BCL2: variants seen among roughly 807,000 people sequenced by gnomAD.
BCL2 encodes the protein BCL2 apoptosis regulator.
BCL2 carries 1 observed loss-of-function variant against 14.2 expected under a neutral mutation model. The observed-to-expected ratio is 0.07, with a 90% CI of 0.02 to 0.33. The LOEUF (loss-of-function observed/expected upper bound fraction) is 0.33. Among genes scored for constraint, BCL2 ranks in the 10% least tolerant of loss-of-function variants. The pLI, the probability that BCL2 is intolerant of heterozygous loss-of-function variation, is 0.99. For missense variants in BCL2, 247 were observed against 305.9 expected (o/e 0.81, Z 1.44); for synonymous variants, 151 against 137.2 (o/e 1.10, Z -0.70).
chr18:63,182,376 T>A (rs1260226869), intron 2 of BCL2, among the ~76,000 whole-genome samples: 3 of 152,056 alleles, frequency 2.0e-5, no homozygotes, highest in Non-Finnish European at 4.4e-5. Flanking sequence ...TGAAGAAGGA[T>A]CAGGTGGTCC....
chr18:63,282,867 C>G (rs537218936), intron 2 of BCL2, among the ~76,000 whole-genome samples: 1 of 152,258 alleles, frequency 6.6e-6, no homozygotes, highest in South Asian at 2.1e-4. Context: ...TTTAGCTGAA[C>G]AGATTTTAGA....
At chr18:63,264,991 C>G (rs1347228258) in intron 2 of BCL2, among the ~76,000 whole-genome samples, 1 of 152,276 alleles carries the variant, frequency 6.6e-6, no homozygotes, top group Non-Finnish European at 1.5e-5. Context: ...AACCAAGTGC[C>G]AAGATCTGGA....
At chr18:63,197,616 C>T (rs1311445606) in intron 2 of BCL2, among the ~76,000 whole-genome samples, 2 of 150,560 alleles carry the variant, frequency 1.3e-5, no homozygotes, top group African/African-American at 4.9e-5. Flanking sequence ...GGAACGGTCA[C>T]AGCAGGAACA....
chr18:63,281,716 GAAAGAAAGAAAGAAAGA>G (rs1912319512), intron 2 of BCL2, among the ~76,000 whole-genome samples: 2 of 123,566 alleles, frequency 1.6e-5, no homozygotes, highest in South Asian at 2.5e-4. Flanking sequence ...AAGAAAGAAA[GAAAGAAAGAAAGAAAGA>G]AAGAAAAAGA....
At chr18:63,172,547 C>T (rs547813498) in intron 2 of BCL2, among the ~76,000 whole-genome samples, 22 of 152,202 alleles carry the variant, frequency 1.4e-4, no homozygotes, top group Non-Finnish European at 2.4e-4. Flanking sequence ...TTTGGGAGGC[C>T]GAGGCGGGTG....
At chr18:63,178,120 C>G (rs1599227204) in intron 2 of BCL2, among the ~76,000 whole-genome samples, 1 of 152,264 alleles carries the variant, frequency 6.6e-6, no homozygotes, top group East Asian at 1.9e-4. Flanking sequence ...AGCCTGGGGG[C>G]CATGAAAGCA....
intron 2 of BCL2, chr18:63,315,778 T>C (rs1437128069): frequency 6.6e-6 from 1 of 152,224 alleles, no homozygotes; most frequent in Non-Finnish European, 1.5e-5. Flanking sequence ...TAATGCACAT[T>C]TGAAATGATA....
chr18:63,222,799 G>A (rs1910436266), intron 2 of BCL2, among the ~76,000 whole-genome samples: 1 of 152,152 alleles, frequency 6.6e-6, no homozygotes. Flanking sequence ...AAAACCACCA[G>A]GACAATAGGA....
chr18:63,227,594 G>A (rs576807364), intron 2 of BCL2, among the ~76,000 whole-genome samples: 2 of 152,306 alleles, frequency 1.3e-5, no homozygotes, highest in Non-Finnish European at 2.9e-5. Flanking sequence ...GTGGAAAACA[G>A]TGTAAGAAAA....
chr18:63,183,716 G>A (rs369762044), intron 2 of BCL2, among the ~76,000 whole-genome samples: 6 of 152,180 alleles, frequency 3.9e-5, no homozygotes, highest in Admixed American at 2.0e-4. Flanking sequence ...TGCATGGGGC[G>A]GGGGCGGGGG....
At chr18:63,255,024 A>C (rs1911430346) in intron 2 of BCL2, among the ~76,000 whole-genome samples, 3 of 152,228 alleles carry the variant, frequency 2.0e-5, no homozygotes, top group African/African-American at 7.2e-5. Flanking sequence ...CTGTGTGCAT[A>C]GACCTGGCAA....
chr18:63,169,290 T>TTCTTTCTTTC (rs1915135635), intron 2 of BCL2, among the ~76,000 whole-genome samples: 1 of 71,980 alleles, frequency 1.4e-5, no homozygotes, highest in Non-Finnish European at 2.4e-5. Context: ...CTTTCTTTCT[T>TTCTTTCTTTC]TCTTTCTTTC....
chr18:63,288,146 A>G (rs563398506), intron 2 of BCL2, among the ~76,000 whole-genome samples: 6 of 152,334 alleles, frequency 3.9e-5, no homozygotes, highest in African/African-American at 1.2e-4. Context: ...ATTGAGTGCA[A>G]TATCTTTCCA....
intron 2 of BCL2, among the ~76,000 whole-genome samples, chr18:63,188,690 G>C (rs938795067): frequency 6.6e-5 from 10 of 151,842 alleles, no homozygotes; most frequent in Non-Finnish European, 1.0e-4. Context: ...GTATTAATTT[G>C]TAATAATATT....
chr18:63,169,385 TTCTTTTTC>T (rs1336887458), intron 2 of BCL2, among the ~76,000 whole-genome samples: 4 of 109,830 alleles, frequency 3.6e-5, no homozygotes, highest in Non-Finnish European at 6.8e-5. Context: ...CTTTCTTTCT[TTCTTTTTC>T]TTTCTTTCTT....
At chr18:63,269,446 G>A (rs1394840880) in intron 2 of BCL2, among the ~76,000 whole-genome samples, 3 of 152,100 alleles carry the variant, frequency 2.0e-5, no homozygotes, top group East Asian at 3.9e-4. Flanking sequence ...GTTGAGGGAC[G>A]TGGGATCATC....
chr18:63,252,322 CTTTGAGT>C (rs968791270), intron 2 of BCL2, among the ~76,000 whole-genome samples: 1 of 152,120 alleles, frequency 6.6e-6, no homozygotes, highest in African/African-American at 2.4e-5. Flanking sequence ...TCCTCACTTT[CTTTGAGT>C]TTTATTTCCT....
intron 2 of BCL2, among the ~76,000 whole-genome samples, chr18:63,162,544 C>T (rs1192408884): frequency 6.6e-6 from 1 of 152,180 alleles, no homozygotes; most frequent in Non-Finnish European, 1.5e-5. Flanking sequence ...GGTGACACAG[C>T]TGGCCAGCAT....
chr18:63,169,373 T>TTCTCTC (rs1343508111), intron 2 of BCL2, among the ~76,000 whole-genome samples: 1 of 78,246 alleles, frequency 1.3e-5, no homozygotes. Flanking sequence ...TTCTTTCTCT[T>TTCTCTC]TCTTTCTTTC....
Sources: allele counts gnomAD v4.1 joint callset (sites outside exome capture counted in the v4.1 genomes callset), GRCh38; gene constraint gnomAD v4.1.1; transcripts MANE v1.5; gene names NCBI Gene and HGNC (gene_info 2026-07-23, HGNC 2026-07-21).